SPTA1: variants seen among roughly 807,000 people sequenced by gnomAD.
The protein encoded by SPTA1 is spectrin alpha chain, erythrocytic 1.
In SPTA1, 177 loss-of-function variants were observed where a neutral mutation model predicts 324.7. That is an observed-to-expected ratio of 0.55 (90% confidence interval 0.48 to 0.62). The LOEUF (loss-of-function observed/expected upper bound fraction) is 0.62, where lower values mean the gene tolerates loss of function less well. SPTA1 is among the 20% of genes least tolerant of loss of function. The probability of loss-of-function intolerance (pLI) is 0.00; values close to 1 mark genes in which losing one functional copy is unlikely to be tolerated. For missense variants in SPTA1, 3,162 were observed against 2,883.6 expected, an observed-to-expected ratio of 1.10 and a Z score of -2.21; for synonymous variants, 1,195 against 1,041.3, an observed-to-expected ratio of 1.15 and a Z score of -2.84.
Position 158,626,210 on chromosome 1 carries a change from G to A in SPTA1, c.5846C>T (p.Thr1949Ile), listed in dbSNP as rs773273297. 1 of 1,613,598 alleles carries A rather than the reference G, an allele frequency of 6.2e-7. No homozygotes were observed. The highest frequency in any genetic ancestry group is 8.5e-7 in the Non-Finnish European group (1 of 1,179,600). The change falls in exon 42 of 52, where the codon ACA (threonine) becomes ATA (isoleucine). Residue 1949 changes from threonine to isoleucine, a missense_variant. By Grantham distance (89) the Thr-to-Ile change is moderately conservative. Coordinates refer to ENST00000643759, the MANE Select transcript of SPTA1 (RefSeq NM_003126.4). ...ACCATTGCCATTGGTCTTTAGGCTT[G>A]TTTCCTTATCAGCTAAAAGGCAAAA... ...VVEAWIADKE[T>I]SLKTNGNGAD...
At chr1:158,667,706 T>A in intron 15 of SPTA1, 152 bp downstream of exon 15, 1 of 819,000 alleles carries the variant, frequency 1.2e-6, no homozygotes, top group Non-Finnish European at 1.9e-6. Context: ...GTTGGATTTT[T>A]AAAATTTTAC....
Position 158,681,486 on chromosome 1 carries a change from G to A in SPTA1, c.531+41C>T, listed in dbSNP as rs566964954. ...TTGCTATGGGGTACCTGGGACAGAGGAGTGGGAGGCCCTGTGTGATTGCTG... is the reference window on the plus strand; with the variant it reads ...TTGCTATGGGGTACCTGGGACAGAGAAGTGGGAGGCCCTGTGTGATTGCTG... On this transcript the variant is annotated intron_variant, in intron 4 of 51. Coordinates refer to ENST00000643759, the MANE Select transcript of SPTA1 (RefSeq NM_003126.4). 1.9e-6 allele frequency: 3 copies of A among 1,613,094 alleles called. No homozygotes were observed. In the African/African-American group the frequency reaches 4.0e-5, roughly 22 times the overall value.
intron 10 of SPTA1, among the ~76,000 whole-genome samples, chr1:158,674,075 C>A (rs553331066): frequency 6.6e-6 from 1 of 152,200 alleles, no homozygotes; most frequent in South Asian, 2.1e-4. Flanking sequence ...GTACATGCAT[C>A]GTATGCAAAT....
In SPTA1 at chr1:158,616,545, A is replaced by G. The variant is rs187707040; in HGVS notation, c.6600+992T>C. Among the ~76,000 whole-genome samples, 106 of 152,314 alleles carry G rather than the reference A, an allele frequency of 7.0e-4. 4 individuals carry two copies. The highest frequency in any genetic ancestry group is 6.7e-3 in the Admixed American group (102 of 15,296). On this transcript the variant is annotated intron_variant, in intron 47 of 51. Coordinates refer to ENST00000643759, the MANE Select transcript of SPTA1 (RefSeq NM_003126.4). ...TTGGCTTATTTCACTTAATATAATG[A>G]CATTCAGTTCCATCCATGTTACTGA... is the stretch of plus-strand genomic sequence containing the variant.
Position 158,662,889 on chromosome 1 carries a change from A to C in SPTA1, c.2277T>G (p.Pro759=). 1 of 1,614,136 alleles carries C rather than the reference A, an allele frequency of 6.2e-7. No individual in the cohort carries two copies. Among genetic ancestry groups the C allele is most frequent in the South Asian group, 1.1e-5 (1 of 91,086 alleles). The part of the protein sequence containing the change: ...LAAYFEEIGH[P]DSKDIRARQE... ...GCCTTGCCCTTATATCCTTAGAATC[A>C]GGATGGCCTATTTCTTCAAAATATG... The change falls in exon 17 of 52, where the codon CCT becomes CCG. Residue 759 remains proline (P), a synonymous_variant. Coordinates refer to ENST00000643759, the MANE Select transcript of SPTA1 (RefSeq NM_003126.4).
At chr1:158,633,777 A>C (rs1357634700) in intron 39 of SPTA1, among the ~76,000 whole-genome samples, 3 of 152,124 alleles carry the variant, frequency 2.0e-5, no homozygotes, top group Admixed American at 6.5e-5. Flanking sequence ...AGTGGGGTGC[A>C]CATGCATGAT....
rs1007370960 is a variant in SPTA1 at position 158,621,241 on chromosome 1, A to G, written c.6121-775T>C. The stretch of plus-strand genomic sequence containing the variant: ...AAATATACTTTTATACTTAAAATAC[A>G]TTACAGATTTTGGGTCAGCAGATAG... On this transcript the variant is annotated intron_variant, in intron 43 of 51. Transcript: ENST00000643759. Among the ~76,000 whole-genome samples the G allele has an allele frequency of 8.5e-5, 13 of 152,330 alleles. 1 individual carries two copies. Among genetic ancestry groups the G allele is most frequent in the Admixed American group, 8.5e-4 (13 of 15,306 alleles).
At position 158,645,488 on chromosome 1, in the gene SPTA1, G is replaced by A. The variant is rs754662601; in HGVS notation, c.3996+7C>T. The A allele has an allele frequency of 1.9e-6, 3 of 1,613,906 alleles. No homozygotes were observed. Among genetic ancestry groups the A allele is most frequent in the South Asian group, 1.1e-5 (1 of 91,080 alleles). ...GTGATCAGTGGCTGTGACTTTTGTA[G>A]TTTTACCTGATGTCTCTCCAGCAAG... On this transcript the variant is annotated splice_region_variant and intron_variant, in intron 28 of 51. Transcript: ENST00000643759.
At chr1:158,663,091 T>C in intron 16 of SPTA1, 146 bp from the exon 17 acceptor site, 1 of 1,164,716 alleles carries the variant, frequency 8.6e-7, no homozygotes, top group Non-Finnish European at 1.2e-6. Context: ...TGAAATGGAG[T>C]TGGAAGGGTT....
chr1:158,645,385 C>T lies in SPTA1; in HGVS notation c.3997G>A (p.Glu1333Lys), dbSNP rs1651918786. 3.1e-6 allele frequency: 5 copies of T among 1,613,718 alleles called. No individual in the cohort carries two copies. Among genetic ancestry groups the T allele is most frequent in the African/African-American group, 2.7e-5 (2 of 74,878 alleles). The change falls in exon 29 of 52, where the codon GAG becomes AAG. Residue 1333 changes from glutamate (E) to lysine (K), a missense_variant and splice_region_variant. Transcript: ENST00000643759. ...TCTGCCTCCATGTCAGCACGGTGCT[C>T]CTGTGGGAAAAAGGGGGAAGAAATC... is the stretch of plus-strand genomic sequence containing the variant. ...GIEILLERHQ[E>K]HRADMEAEAP...
At chr1:158,642,669 C>G (rs1342589752) in intron 32 of SPTA1, 127 bp from the exon 33 acceptor site, 1 of 1,566,910 alleles carries the variant, frequency 6.4e-7, no homozygotes, top group Admixed American at 1.7e-5. Flanking sequence ...TTCTGAAGAA[C>G]CTGCTCCACA....
intron 47 of SPTA1, among the ~76,000 whole-genome samples, chr1:158,616,827 G>A (rs1216797773): frequency 6.6e-6 from 1 of 151,872 alleles, no homozygotes; most frequent in Non-Finnish European, 1.5e-5. Context: ...ATTTTTTGAG[G>A]AATTTCCATA....
chr1:158,623,186 G>C lies in SPTA1; in HGVS notation c.5917C>G (p.Leu1973Val), dbSNP rs779278642. The C allele has an allele frequency of 7.4e-6, 12 of 1,614,122 alleles. No individual in the cohort carries two copies. The East Asian group carries it at 2.5e-4, about 33-fold the overall frequency. Reference protein sequence around the residue: ...FLTLLAKQDTLDASLQSFQQE... With the variant: ...FLTLLAKQDTVDASLQSFQQE... Reference sequence around the variant, plus strand: ...TGGAAACTCTGCAGACTGGCATCCAGAGTGTCCTGAGAAAGATCAGGAGAG... The same window carrying C: ...TGGAAACTCTGCAGACTGGCATCCACAGTGTCCTGAGAAAGATCAGGAGAG... Residue 1973 changes from leucine to valine, a missense_variant, in exon 43 of 52, where the codon CTG (leucine) becomes GTG (valine). Physicochemically the swap from Leu to Val is conservative, Grantham distance 32. Transcript: ENST00000643759.
chr1:158,615,468 G>A (rs1649501338), intron 47 of SPTA1, 65 bp from the exon 48 acceptor site: 7 of 1,509,334 alleles, frequency 4.6e-6, no homozygotes, highest in Non-Finnish European at 5.5e-6. Context: ...ACCTAGAGGT[G>A]GAAGAGGAGA....
chr1:158,656,433 G>T, intron 20 of SPTA1, 131 bp downstream of exon 20: 1 of 820,880 alleles, frequency 1.2e-6, no homozygotes, highest in East Asian at 2.5e-5. Context: ...CTGCATACAA[G>T]GGTCATAGAA....
At chr1:158,642,716 C>T (rs572811782) in intron 32 of SPTA1, 98 bp downstream of exon 32, 3 of 1,601,396 alleles carry the variant, frequency 1.9e-6, no homozygotes, top group South Asian at 2.2e-5. Flanking sequence ...GCATGGTAGC[C>T]TCAACAGTCA....
intron 35 of SPTA1, chr1:158,639,136 T>C (rs1480445387): frequency 2.3e-5 from 4 of 174,318 alleles, no homozygotes; most frequent in Non-Finnish European, 3.7e-5. Flanking sequence ...CAGCACAAAT[T>C]TTTGGTTGCT....
chr1:158,627,253 A>C (rs529512758), intron 40 of SPTA1, among the ~76,000 whole-genome samples: 1 of 152,222 alleles, frequency 6.6e-6, no homozygotes, highest in African/African-American at 2.4e-5. Flanking sequence ...CAAATTTAAA[A>C]GAGCTTTCAG....
chr1:158,635,749 G>A (rs1006499681), intron 38 of SPTA1, among the ~76,000 whole-genome samples, 164 bp downstream of exon 38: 2 of 152,222 alleles, frequency 1.3e-5, no homozygotes, highest in African/African-American at 4.8e-5. Flanking sequence ...GGGGTATATG[G>A]AGGAAAGCTT....
Sources: gnomAD v4.1 joint callset for allele counts (sites outside exome capture counted in the v4.1 genomes callset) on GRCh38, gnomAD v4.1.1 for gene constraint, MANE v1.5 for transcripts, NCBI Gene and HGNC (gene_info 2026-07-23, HGNC 2026-07-21) for gene names.